Variants in CNTN1 observed in about 807,000 individuals in gnomAD.
The protein encoded by CNTN1 is contactin-1.
CNTN1 carries 38 observed loss-of-function variants against 126.4 expected under a neutral mutation model. The ratio of observed to expected loss-of-function variants is 0.30; its 90% confidence interval spans 0.23 to 0.39. The LOEUF is 0.39. CNTN1 is among the 10% of genes least tolerant of loss of function. The pLI is 1.00. For synonymous variants in CNTN1, 413 were observed against 422.6 expected (o/e 0.98, Z 0.28); for missense variants, 1,009 against 1,248.4 (o/e 0.81, Z 2.89).
chr12:40,951,987 C>A (rs1439030910), intron 14 of CNTN1, among the ~76,000 whole-genome samples: 1 of 151,886 alleles, frequency 6.6e-6, no homozygotes, highest in Non-Finnish European at 1.5e-5. Flanking sequence ...AAAAAGTTTA[C>A]AATTGTTAAT....
At chr12:40,953,979 C>T (rs1946775972) in intron 14 of CNTN1, among the ~76,000 whole-genome samples, 1 of 152,028 alleles carries the variant, frequency 6.6e-6, no homozygotes, top group South Asian at 2.1e-4. Context: ...TTTCTGCCCT[C>T]AATTTTTTGT....
chr12:40,722,087 C>T (rs1041880183), intron 1 of CNTN1, among the ~76,000 whole-genome samples: 1 of 152,142 alleles, frequency 6.6e-6, no homozygotes, highest in African/African-American at 2.4e-5. Context: ...AGGCTTCTCT[C>T]CATCAGCTAA....
At chr12:41,069,879 G>A (rs182621164) in intron 23 of CNTN1, 80 bp from the exon 24 acceptor site, 36 of 1,124,352 alleles carry the variant, frequency 3.2e-5, no homozygotes, top group Admixed American at 1.2e-4. Flanking sequence ...ATGCAATCTC[G>A]CCTTAGCTGA....
Position 40,937,573 on chromosome 12 carries a change from C to T in CNTN1, c.1114C>T (p.His372Tyr). Residue 372 changes from histidine to tyrosine, a missense_variant, in exon 11 of 24, where the codon CAT becomes TAT. Physicochemically the swap from His to Tyr is moderately conservative, Grantham distance 83. Transcript: ENST00000551295. ...GTTTCAATTTTATTCTTTTCAGTAT[C>T]ATAAAGGGGAATTAAGACTGTATGA... ...IRWLKNGYAY[H>Y]KGELRLYDVT... 1 of 1,571,628 alleles carries T rather than the reference C, an allele frequency of 6.4e-7. No individual in the cohort carries two copies. Among genetic ancestry groups the T allele is most frequent in the Non-Finnish European group, 8.8e-7 (1 of 1,141,486 alleles).
intron 23 of CNTN1, among the ~76,000 whole-genome samples, chr12:41,058,731 G>T (rs191068954): frequency 4.0e-4 from 61 of 152,156 alleles, no homozygotes; most frequent in African/African-American, 1.4e-3. Flanking sequence ...AGGAAATTCT[G>T]TGCAGATACA....
At chr12:40,785,381 G>A (rs983395673) in intron 1 of CNTN1, among the ~76,000 whole-genome samples, 1 of 152,140 alleles carries the variant, frequency 6.6e-6, no homozygotes, top group Non-Finnish European at 1.5e-5. Flanking sequence ...GGCAAGGAAG[G>A]GGGTGAGAGA....
At chr12:40,796,875 AAG>A (rs1940456515) in intron 1 of CNTN1, among the ~76,000 whole-genome samples, 1 of 152,108 alleles carries the variant, frequency 6.6e-6, no homozygotes, top group African/African-American at 2.4e-5. Flanking sequence ...TTGGCAAGCC[AAG>A]GAGACAAAAG....
At chr12:40,718,123 C>A (rs1164604522) in intron 1 of CNTN1, among the ~76,000 whole-genome samples, 2 of 152,078 alleles carry the variant, frequency 1.3e-5, no homozygotes, top group African/African-American at 4.8e-5. Flanking sequence ...AAACCAAGAA[C>A]ATGCTGAATA....
intron 1 of CNTN1, among the ~76,000 whole-genome samples, chr12:40,748,386 C>A (rs1378835598): frequency 6.6e-6 from 1 of 152,090 alleles, no homozygotes; most frequent in Non-Finnish European, 1.5e-5. Flanking sequence ...GGCATAGTAG[C>A]TTGCTAAATT....
chr12:40,809,814 TCACACACA>T (rs3223354), intron 1 of CNTN1, among the ~76,000 whole-genome samples: 3,252 of 146,648 alleles, frequency 0.022, 50 homozygotes, highest in Middle Eastern at 0.032. Flanking sequence ...AGACTCTGTC[TCACACACA>T]CACACACACA....
At chr12:40,777,281 CTT>C (rs1939627279) in intron 1 of CNTN1, among the ~76,000 whole-genome samples, 1 of 150,606 alleles carries the variant, frequency 6.6e-6, no homozygotes, top group Admixed American at 6.6e-5. Context: ...GTTACCAAGT[CTT>C]ATCAATTCTA....
intron 1 of CNTN1, among the ~76,000 whole-genome samples, chr12:40,844,257 G>A (rs201726590): frequency 1.3e-5 from 2 of 151,254 alleles, no homozygotes; most frequent in Non-Finnish European, 1.5e-5. Flanking sequence ...TAGTAGAGAC[G>A]GGGTTTCACC....
chr12:40,821,927 AT>A (rs1192649593), intron 1 of CNTN1, among the ~76,000 whole-genome samples: 2 of 151,788 alleles, frequency 1.3e-5, no homozygotes, highest in African/African-American at 4.8e-5. Context: ...TTTAAAATAT[AT>A]TATTGATATT....
intron 1 of CNTN1, among the ~76,000 whole-genome samples, chr12:40,856,071 A>T (rs1028949): frequency 0.098 from 14,883 of 152,108 alleles, 866 homozygotes; most frequent in Non-Finnish European, 0.13. Flanking sequence ...TTTCTTCTGT[A>T]AAATAAGAGG....
chr12:41,052,104 T>C (rs1949702169), intron 23 of CNTN1, among the ~76,000 whole-genome samples: 1 of 152,202 alleles, frequency 6.6e-6, no homozygotes, highest in African/African-American at 2.4e-5. Flanking sequence ...GTGATAAATA[T>C]GCTTTCCCAA....
Position 41,070,055 on chromosome 12 carries a change from G to C in CNTN1, c.*20G>C. On this transcript the variant is annotated 3_prime_UTR_variant, in exon 24 of 24. Transcript: ENST00000551295. ...TTCTGAATGTGTTGTGACAGCTGCT[G>C]TTCCCATCCCAGCTCAGAAGACACC... 1 of 1,609,576 alleles carries C rather than the reference G, an allele frequency of 6.2e-7. No homozygotes were observed. The highest frequency in any genetic ancestry group is 8.5e-7 in the Non-Finnish European group (1 of 1,176,130).
At chr12:40,754,893 G>C (rs577036153) in intron 1 of CNTN1, among the ~76,000 whole-genome samples, 1 of 151,964 alleles carries the variant, frequency 6.6e-6, no homozygotes, top group East Asian at 1.9e-4. Context: ...TTTTAAAACT[G>C]ATTTCTATAC....
chr12:41,006,641 T>C (rs278903), intron 17 of CNTN1, among the ~76,000 whole-genome samples: 10,450 of 152,296 alleles, frequency 0.069, 734 homozygotes, highest in African/African-American at 0.18. Flanking sequence ...ATCACAATTA[T>C]TAGGAGCTAC....
intron 15 of CNTN1, chr12:40,972,434 C>T: frequency 1.0e-6 from 1 of 983,508 alleles, no homozygotes; most frequent in Non-Finnish European, 1.2e-6. Flanking sequence ...TTTTCTTAGA[C>T]AGGTTTGTGT....
Sources: gnomAD v4.1 joint callset for allele counts (sites outside exome capture counted in the v4.1 genomes callset) on GRCh38, gnomAD v4.1.1 for gene constraint, MANE v1.5 for transcripts, NCBI Gene and HGNC (gene_info 2026-07-23, HGNC 2026-07-21) for gene names.